SCML2: variants seen among roughly 807,000 people sequenced by gnomAD.
SCML2 encodes sex comb on midleg-like protein 2.
Under a neutral mutation model 48.4 loss-of-function variants are expected in SCML2, and 6 were observed. That is an observed-to-expected ratio of 0.12 (90% CI 0.07 to 0.24). The LOEUF (loss-of-function observed/expected upper bound fraction) is 0.24. Ranked by LOEUF, SCML2 falls within the 10% of genes least tolerant of loss-of-function variation. The pLI, the probability that SCML2 is intolerant of heterozygous loss-of-function variation, is 1.00. For synonymous variants in SCML2, 181 were observed against 189.5 expected (o/e 0.95, Z 0.37); for missense variants, 377 against 528.2 (o/e 0.71, Z 2.81).
At chrX:18,331,259 C>CAAAAAAAAAA (rs35589774) in intron 2 of SCML2, among the ~76,000 whole-genome samples, 1 of 16,265 alleles carries the variant, frequency 6.1e-5, no homozygotes, top group Admixed American at 1.8e-3. Flanking sequence ...GACTCCGTCT[C>CAAAAAAAAAA]AAAAAAAAAA....
intron 8 of SCML2, among the ~76,000 whole-genome samples, chrX:18,261,620 C>G (rs1441511796): frequency 1.8e-5 from 2 of 109,206 alleles, no homozygotes; most frequent in Non-Finnish European, 3.8e-5. Flanking sequence ...TGCCCCTTCT[C>G]CATCCCCATC....
intron 7 of SCML2, among the ~76,000 whole-genome samples, chrX:18,285,113 C>T (rs912724372): frequency 9.1e-6 from 1 of 109,547 alleles, no homozygotes; most frequent in African/African-American, 3.3e-5. Flanking sequence ...TTGGTGGGGA[C>T]ATAAATTAGT....
chrX:18,255,341 A>G (rs1395166610), intron 11 of SCML2, among the ~76,000 whole-genome samples: 2 of 112,344 alleles, frequency 1.8e-5, no homozygotes, highest in African/African-American at 6.5e-5. Context: ...ATAGCTAGTT[A>G]ACAGCAGGAA....
intron 8 of SCML2, among the ~76,000 whole-genome samples, chrX:18,261,524 T>C (rs1011047902): frequency 1.8e-5 from 2 of 109,851 alleles, no homozygotes; most frequent in East Asian, 2.8e-4. Flanking sequence ...AAATATGACA[T>C]AGATCCCATA....
At chrX:18,339,177 A>T (rs1929934490) in intron 1 of SCML2, among the ~76,000 whole-genome samples, 1 of 111,758 alleles carries the variant, frequency 8.9e-6, no homozygotes, top group Non-Finnish European at 1.9e-5. Context: ...TTGCTTAACA[A>T]AACAGGAACT....
At chrX:18,267,497 G>GT (rs1927293329) in intron 7 of SCML2, among the ~76,000 whole-genome samples, 1 of 111,387 alleles carries the variant, frequency 9.0e-6, no homozygotes, top group Non-Finnish European at 1.9e-5. Context: ...TAGAACAAGG[G>GT]TTAGCTATCT....
At chrX:18,333,046 C>T (rs1258353723) in intron 2 of SCML2, among the ~76,000 whole-genome samples, 1 of 109,975 alleles carries the variant, frequency 9.1e-6, no homozygotes, top group Non-Finnish European at 1.9e-5. Flanking sequence ...GAGGCCGAGG[C>T]GGGAAGATCA....
Position 18,240,437 on chromosome X carries a change from A to G in SCML2, c.*814T>C, listed in dbSNP as rs1926221945. ...AGATGTAAGAAAAGAATGCCTAGTT[A>G]AATGTCCAAGCGTAGTGAAAATATG... is the stretch of plus-strand genomic sequence containing the variant. On this transcript the variant is annotated 3_prime_UTR_variant, in exon 15 of 15. Coordinates refer to ENST00000251900, the MANE Select transcript of SCML2 (RefSeq NM_006089.3). The G allele has an allele frequency of 8.9e-6, 1 of 112,254 alleles. No individual in the cohort carries two copies. Among genetic ancestry groups the G allele is most frequent in the African/African-American group, 3.2e-5 (1 of 30,883 alleles). The allele number at this position is 112,254 out of a possible 1,213,427, so 9.3% of individuals were successfully genotyped here.
At chrX:18,311,631 C>T (rs1490116758) in intron 6 of SCML2, among the ~76,000 whole-genome samples, 1 of 111,522 alleles carries the variant, frequency 9.0e-6, no homozygotes, top group African/African-American at 3.3e-5. Context: ...AGTAGGAGAG[C>T]AGTAGGAAAT....
At chrX:18,340,050 C>G (rs1441656853) in intron 1 of SCML2, among the ~76,000 whole-genome samples, 1 of 111,890 alleles carries the variant, frequency 8.9e-6, no homozygotes, top group Non-Finnish European at 1.9e-5. Context: ...ATGAAATTCT[C>G]TCTATATAAT....
intron 7 of SCML2, among the ~76,000 whole-genome samples, chrX:18,277,956 C>T (rs1372318167): frequency 9.1e-6 from 1 of 110,071 alleles, no homozygotes; most frequent in Non-Finnish European, 1.9e-5. Context: ...CACTTGAGCT[C>T]GGGAGTTCGA....
intron 5 of SCML2, 66 bp from the exon 6 acceptor site, chrX:18,320,486 T>TA: frequency 1.5e-6 from 1 of 684,921 alleles, no homozygotes; most frequent in Non-Finnish European, 2.2e-6. Context: ...CAAGTTGGTA[T>TA]AAAAAATAGG....
At chrX:18,309,913 AT>A (rs1928892125) in intron 6 of SCML2, among the ~76,000 whole-genome samples, 1 of 111,625 alleles carries the variant, frequency 9.0e-6, no homozygotes, top group South Asian at 3.8e-4. Flanking sequence ...CACGTACCCC[AT>A]GTACCTAAAA....
chrX:18,338,935 G>A (rs201272802), intron 1 of SCML2, among the ~76,000 whole-genome samples: 4,095 of 67,449 alleles, frequency 0.061, 250 homozygotes, highest in African/African-American at 0.21. Context: ...AAAAAAAAAA[G>A]AAAGAAAAGA....
chrX:18,345,636 C>A (rs1689819740), intron 1 of SCML2, among the ~76,000 whole-genome samples: 1 of 111,254 alleles, frequency 9.0e-6, no homozygotes, highest in Non-Finnish European at 1.9e-5. Context: ...AATGAATCCT[C>A]TTGCCTCAGC....
At chrX:18,275,047 C>T (rs1427674744) in intron 7 of SCML2, among the ~76,000 whole-genome samples, 2 of 111,655 alleles carry the variant, frequency 1.8e-5, no homozygotes, top group African/African-American at 3.3e-5. Context: ...ACCTGGAAGT[C>T]CCCCCACCTT....
chrX:18,259,588 G>A lies in SCML2; in HGVS notation c.1069+583C>T, dbSNP rs148411625. Among the ~76,000 whole-genome samples the A allele has an allele frequency of 5.1e-3, 574 of 111,941 alleles. 3 individuals carry two copies. Among genetic ancestry groups the A allele is most frequent in the African/African-American group, 0.018 (558 of 30,842 alleles). ...AGCGAAGCTAAACAAGGATTTCAATGTTTTATCTCCTTTGTGTTATATCCA... is the reference window on the plus strand; with the variant it reads ...AGCGAAGCTAAACAAGGATTTCAATATTTTATCTCCTTTGTGTTATATCCA... On this transcript the variant is annotated intron_variant, in intron 9 of 14. Coordinates refer to ENST00000251900, the MANE Select transcript of SCML2 (RefSeq NM_006089.3).
At chrX:18,342,437 C>A (rs1175897057) in intron 1 of SCML2, among the ~76,000 whole-genome samples, 1 of 111,511 alleles carries the variant, frequency 9.0e-6, no homozygotes, top group Non-Finnish European at 1.9e-5. Context: ...TTGGGCCGGG[C>A]GCAGTGGCTC....
At chrX:18,272,967 C>A (rs1927509350) in intron 7 of SCML2, among the ~76,000 whole-genome samples, 1 of 111,875 alleles carries the variant, frequency 8.9e-6, no homozygotes, top group South Asian at 3.8e-4. Flanking sequence ...ACAACATTTC[C>A]ACAGATACAA....
Sources: gnomAD v4.1 joint callset for allele counts (sites outside exome capture counted in the v4.1 genomes callset) on GRCh38, gnomAD v4.1.1 for gene constraint, MANE v1.5 for transcripts, NCBI Gene and HGNC (gene_info 2026-07-23, HGNC 2026-07-21) for gene names.